ELP2: variants seen among roughly 807,000 people sequenced by gnomAD.
ELP2 encodes the protein elongator complex protein 2.
In ELP2, 90 loss-of-function variants were observed where a neutral mutation model predicts 119.2. The observed-to-expected ratio is 0.75, with a 90% confidence interval of 0.64 to 0.90. The LOEUF is 0.90. Ranked by LOEUF, ELP2 falls within the 40% of genes least tolerant of loss-of-function variation. The pLI, the probability that ELP2 is intolerant of heterozygous loss-of-function variation, is 0.00. For missense variants in ELP2, 921 were observed against 967.8 expected, an observed-to-expected ratio of 0.95 and a Z score of 0.64; for synonymous variants, 339 against 331.0, an observed-to-expected ratio of 1.02 and a Z score of -0.26.
chr18:36,174,454 A>G (rs757367501), intron 21 of ELP2, 31 bp from the exon 22 acceptor site: 2 of 1,607,068 alleles, frequency 1.2e-6, no homozygotes, highest in Admixed American at 3.4e-5. Context: ...AATTGGAAAA[A>G]CATTTCATGA....
intron 19 of ELP2, among the ~76,000 whole-genome samples, chr18:36,168,265 C>T (rs1036436679): frequency 2.6e-5 from 4 of 152,216 alleles, no homozygotes; most frequent in Non-Finnish European, 4.4e-5. Context: ...CCCTTCTGTT[C>T]ATTTGCCTGT....
intron 13 of ELP2, among the ~76,000 whole-genome samples, chr18:36,158,122 G>A (rs936040149): frequency 2.6e-5 from 4 of 152,044 alleles, no homozygotes; most frequent in Non-Finnish European, 5.9e-5. Context: ...TGTTTCTTGT[G>A]TCCCAGGTAG....
rs2091230250 is a variant in ELP2 at position 36,176,744 on chromosome 18, G to A, written c.*2103G>A. On this transcript the variant is annotated 3_prime_UTR_variant, in exon 22 of 22. Coordinates refer to ENST00000358232, the MANE Select transcript of ELP2 (RefSeq NM_018255.4). ...ATATCTGAAGCAATTATTATGAATT[G>A]TAGTAATTCATAATATTGAAGCGAT... The A allele has an allele frequency of 6.6e-6, 1 of 152,160 alleles. No homozygotes were observed. Among genetic ancestry groups the A allele is most frequent in the South Asian group, 2.1e-4 (1 of 4,826 alleles). The allele number at this position is 152,160 out of a possible 1,614,324, so 9.4% of individuals were successfully genotyped here.
intron 5 of ELP2, among the ~76,000 whole-genome samples, chr18:36,140,553 G>A (rs936665959): frequency 2.0e-5 from 3 of 151,924 alleles, no homozygotes; most frequent in Admixed American, 1.3e-4. Context: ...TGTCATGTTG[G>A]CCAGGCTGGT....
intron 11 of ELP2, among the ~76,000 whole-genome samples, chr18:36,147,081 GTT>G (rs61330040): frequency 5.8e-4 from 71 of 123,412 alleles, no homozygotes; most frequent in African/African-American, 1.6e-3. Context: ...AACATGGGTA[GTT>G]TTTTTTTTTT....
At chr18:36,140,894 G>A (rs1358831121) in intron 5 of ELP2, among the ~76,000 whole-genome samples, 1 of 152,178 alleles carries the variant, frequency 6.6e-6, no homozygotes, top group Admixed American at 6.5e-5. Flanking sequence ...TCATAGAATG[G>A]AGAGAAGGAC....
At chr18:36,154,405 T>G (rs2090498396) in intron 11 of ELP2, among the ~76,000 whole-genome samples, 1 of 152,212 alleles carries the variant, frequency 6.6e-6, no homozygotes. Context: ...TGACTCGTTT[T>G]ACACAATATT....
At chr18:36,154,739 C>CT (rs2090507502) in intron 11 of ELP2, 111 bp from the exon 12 acceptor site, 1 of 1,188,566 alleles carries the variant, frequency 8.4e-7, no homozygotes, top group African/African-American at 1.5e-5. Context: ...GTATACTTAG[C>CT]TTTTCACCTT....
At chr18:36,151,670 A>G (rs1250694879) in intron 11 of ELP2, among the ~76,000 whole-genome samples, 1 of 151,426 alleles carries the variant, frequency 6.6e-6, no homozygotes, top group Non-Finnish European at 1.5e-5. Context: ...TTAGCCAGGC[A>G]TGGTTAATTC....
chr18:36,156,470 C>G lies in ELP2; in HGVS notation c.1280C>G (p.Thr427Ser). ...TGTTTATCCCGTTTTACCCAGGTGA[C>G]TTGGCATGAAATTGCAAGGCCTCAG... Reference protein sequence around the residue: ...PWKRKDQSQVTWHEIARPQIH... With the variant: ...PWKRKDQSQVSWHEIARPQIH... Residue 427 changes from threonine to serine, a missense_variant, in exon 13 of 22, where the codon ACT (threonine) becomes AGT (serine). Transcript: ENST00000358232. 6.2e-7 allele frequency: 1 copy of G among 1,614,056 alleles called. No homozygotes were observed. The highest frequency in any genetic ancestry group is 8.5e-7 in the Non-Finnish European group (1 of 1,179,954).
chr18:36,158,814 A>G lies in ELP2; in HGVS notation c.1465-21A>G, dbSNP rs779509476. 15 of 1,495,262 alleles carry G rather than the reference A, an allele frequency of 1.0e-5. No homozygotes were observed. In the East Asian group the frequency reaches 1.4e-4, roughly 13 times the overall value. 92.6% of individuals were successfully genotyped at this position (1,495,262 alleles called of 1,614,324 possible). A position where few individuals can be genotyped will look rare whatever the true frequency, so the allele number is the denominator to read the frequency against. ...TAAAACTTTAGCATTTATAACTTAGATATTATATTTTCTATTCTAGCAAGA... is the reference window on the plus strand; with the variant it reads ...TAAAACTTTAGCATTTATAACTTAGGTATTATATTTTCTATTCTAGCAAGA... On this transcript the variant is annotated intron_variant, in intron 13 of 21. Coordinates refer to ENST00000358232, the MANE Select transcript of ELP2 (RefSeq NM_018255.4).
chr18:36,130,146 T>A (rs2089547985), intron 1 of ELP2, 75 bp downstream of exon 1: 15 of 1,596,708 alleles, frequency 9.4e-6, no homozygotes, highest in Non-Finnish European at 1.3e-5. Flanking sequence ...GGCGCGCTGT[T>A]AGTTGCCGCC....
chr18:36,149,411 C>T (rs2090314720), intron 11 of ELP2, among the ~76,000 whole-genome samples: 1 of 150,714 alleles, frequency 6.6e-6, no homozygotes, highest in African/African-American at 2.4e-5. Context: ...TACAACCGTA[C>T]AACCCATTCC....
chr18:36,174,893 C>T lies in ELP2; in HGVS notation c.*252C>T, dbSNP rs1304051662. On this transcript the variant is annotated 3_prime_UTR_variant, in exon 22 of 22. Transcript: ENST00000358232. ...TATTTTTAGTAGAGACTGGGTTTCA[C>T]CGTTGGCCAGGCGGGTCTCAAACTC... is the stretch of plus-strand genomic sequence containing the variant. 2.5e-6 allele frequency: 1 copy of T among 404,064 alleles called. No homozygotes were observed. Among genetic ancestry groups the T allele is most frequent in the Non-Finnish European group, 4.6e-6 (1 of 217,546 alleles). 25.0% of individuals were successfully genotyped at this position (404,064 alleles called of 1,614,324 possible).
chr18:36,167,339 G>A (rs916962341), intron 19 of ELP2, 117 bp downstream of exon 19: 3 of 752,204 alleles, frequency 4.0e-6, no homozygotes, highest in Non-Finnish European at 6.1e-6. Flanking sequence ...AATCAGCTAT[G>A]TATTCCTTTC....
intron 11 of ELP2, 40 bp downstream of exon 11, chr18:36,146,421 T>TA (rs765298970): frequency 6.3e-7 from 1 of 1,599,590 alleles, no homozygotes; most frequent in South Asian, 1.1e-5. Flanking sequence ...TCTAATCAAA[T>TA]AGAGTACATT....
At chr18:36,140,800 A>G (rs1304447270) in intron 5 of ELP2, among the ~76,000 whole-genome samples, 2 of 152,202 alleles carry the variant, frequency 1.3e-5, no homozygotes, top group Non-Finnish European at 2.9e-5. Flanking sequence ...TGTCTTAACA[A>G]CTTTTCATCT....
intron 9 of ELP2, 145 bp downstream of exon 9, chr18:36,145,179 A>G (rs537448890): frequency 2.9e-6 from 2 of 692,428 alleles, no homozygotes; most frequent in South Asian, 3.0e-5. Context: ...ATAATACTGC[A>G]TTCCTGGTCT....
At chr18:36,167,820 C>T (rs2090953278) in intron 19 of ELP2, among the ~76,000 whole-genome samples, 1 of 151,910 alleles carries the variant, frequency 6.6e-6, no homozygotes, top group South Asian at 2.1e-4. Flanking sequence ...GGTGGGACTA[C>T]AGGTGCTCAC....
Sources: gnomAD v4.1 joint callset for allele counts (sites outside exome capture counted in the v4.1 genomes callset) on GRCh38, gnomAD v4.1.1 for gene constraint, MANE v1.5 for transcripts, NCBI Gene and HGNC (gene_info 2026-07-23, HGNC 2026-07-21) for gene names.